TRPC4AP: variants seen among roughly 807,000 people sequenced by gnomAD.
TRPC4AP encodes the protein transient receptor potential cation channel subfamily C member 4 associated protein, also known as short transient receptor potential channel 4-associated protein.
In TRPC4AP, 45 loss-of-function variants were observed where a neutral mutation model predicts 99.0. The observed-to-expected ratio is 0.45, with a 90% CI of 0.36 to 0.58. TRPC4AP has a LOEUF of 0.58. Among genes scored for constraint, TRPC4AP ranks in the 20% least tolerant of loss-of-function variants. TRPC4AP has a pLI of 0.00. For synonymous variants in TRPC4AP, 408 were observed against 385.8 expected (o/e 1.06, Z -0.67); for missense variants, 879 against 985.3 (o/e 0.89, Z 1.44).
At chr20:35,085,908 T>C (rs975929349) in intron 1 of TRPC4AP, among the ~76,000 whole-genome samples, 1 of 152,180 alleles carries the variant, frequency 6.6e-6, no homozygotes. Flanking sequence ...CTGTGCATCT[T>C]ATTTGTTTCT....
Position 35,049,887 on chromosome 20 carries a change from T to C in TRPC4AP, c.636A>G (p.Glu212=), listed in dbSNP as rs1481374164. Residue 212 remains glutamate (E), a synonymous_variant, in exon 6 of 19, where the codon GAA becomes GAG. Transcript: ENST00000252015. ...TCACCTTTTTAACACCCAAAATATC[T>C]TCAATGAGGGTTGCTGTTTGTAAGA... The part of the protein sequence containing the change: ...KTFLQTATLI[E]DILGVKKEMI... 1 of 1,613,678 alleles carries C rather than the reference T, an allele frequency of 6.2e-7. No individual in the cohort carries two copies. The highest frequency in any genetic ancestry group is 1.3e-5 in the African/African-American group (1 of 74,914).
chr20:35,007,464 G>T (rs771548825), intron 14 of TRPC4AP, 86 bp downstream of exon 14: 64 of 1,357,478 alleles, frequency 4.7e-5, no homozygotes, highest in Non-Finnish European at 6.6e-5. Flanking sequence ...TGCTCCTGAT[G>T]AACTGTTTGG....
chr20:35,024,854 A>AAAAAAAAAAAAACAAAACAT, intron 8 of TRPC4AP, among the ~76,000 whole-genome samples: 1 of 89,480 alleles, frequency 1.1e-5, no homozygotes, highest in East Asian at 4.4e-4. Flanking sequence ...AAAAAAAAAA[A>AAAAAAAAAAAAACAAAACAT]ATTCTGTTTA....
chr20:35,076,484 T>G (rs1166686176), intron 2 of TRPC4AP, among the ~76,000 whole-genome samples: 1 of 152,228 alleles, frequency 6.6e-6, no homozygotes, highest in Non-Finnish European at 1.5e-5. Flanking sequence ...CTTCTAACAG[T>G]CAGGACCCTC....
In TRPC4AP at chr20:35,002,954, C is replaced by T. The variant is rs1041705874; in HGVS notation, c.*192G>A. 2 of 685,312 alleles carry T rather than the reference C, an allele frequency of 2.9e-6. No homozygotes were observed. Among genetic ancestry groups the T allele is most frequent in the Non-Finnish European group, 4.8e-6 (2 of 418,854 alleles). The allele number at this position is 685,312 out of a possible 1,614,324, so 42.5% of individuals were successfully genotyped here. On this transcript the variant is annotated 3_prime_UTR_variant, in exon 19 of 19. Transcript: ENST00000252015. ...CCTGTCCTCATTATGGGGACTGAGGCTCTCCATGACCTAGGGCCCTCAGAC... is the reference window on the plus strand; with the variant it reads ...CCTGTCCTCATTATGGGGACTGAGGTTCTCCATGACCTAGGGCCCTCAGAC...
chr20:35,038,767 A>AT (rs34387096), intron 7 of TRPC4AP, among the ~76,000 whole-genome samples: 60,362 of 152,058 alleles, frequency 0.4, 13,078 homozygotes, highest in East Asian at 0.59. Context: ...GGTGTGTATT[A>AT]TTTTTTCTAA....
At chr20:35,079,079 G>A (rs186791300) in intron 1 of TRPC4AP, among the ~76,000 whole-genome samples, 2 of 152,212 alleles carry the variant, frequency 1.3e-5, no homozygotes, top group Admixed American at 1.3e-4. Flanking sequence ...AAATAGAAAA[G>A]GGGATGGAGA....
chr20:35,086,461 G>GTATA (rs2084856482), intron 1 of TRPC4AP, among the ~76,000 whole-genome samples: 1 of 57,316 alleles, frequency 1.7e-5, no homozygotes. Flanking sequence ...GTGTGTGTGT[G>GTATA]TGTGTGTGTG....
At chr20:35,088,737 T>G (rs1441278676) in intron 1 of TRPC4AP, among the ~76,000 whole-genome samples, 1 of 152,208 alleles carries the variant, frequency 6.6e-6, no homozygotes, top group Non-Finnish European at 1.5e-5. Context: ...AGGTCCACCT[T>G]ACTTTAAAAT....
intron 6 of TRPC4AP, among the ~76,000 whole-genome samples, chr20:35,048,486 T>C (rs2083613392): frequency 6.6e-6 from 1 of 152,196 alleles, no homozygotes; most frequent in Admixed American, 6.5e-5. Flanking sequence ...CCCAAAGTGT[T>C]GGAATTACAG....
chr20:35,087,640 G>C (rs2084925895), intron 1 of TRPC4AP, among the ~76,000 whole-genome samples: 1 of 152,134 alleles, frequency 6.6e-6, no homozygotes, highest in Non-Finnish European at 1.5e-5. Flanking sequence ...ATCCAGAATT[G>C]ATTCTATCAA....
At chr20:35,008,602 T>C in intron 13 of TRPC4AP, 62 bp downstream of exon 13, 1 of 1,474,668 alleles carries the variant, frequency 6.8e-7, no homozygotes, top group Non-Finnish European at 9.4e-7. Context: ...ATTCCTAACC[T>C]CCTGAGAAAC....
intron 11 of TRPC4AP, among the ~76,000 whole-genome samples, chr20:35,012,401 A>T (rs2082659425): frequency 6.6e-6 from 1 of 152,192 alleles, no homozygotes; most frequent in Non-Finnish European, 1.5e-5. Flanking sequence ...AGCTGGCTGG[A>T]GCTGAGCTCA....
At chr20:35,007,284 C>T (rs2082535453) in intron 14 of TRPC4AP, among the ~76,000 whole-genome samples, 2 of 152,184 alleles carry the variant, frequency 1.3e-5, no homozygotes, top group Admixed American at 1.3e-4. Flanking sequence ...TACAAAATAT[C>T]TTCAGGGTCA....
Position 35,006,542 on chromosome 20 carries a change from T to G in TRPC4AP, c.1720A>C (p.Lys574Gln). ...ILYCIVDSEC[K>Q]SRDVLQSYFD... ...TAACTCTGGAGCACATCCCTTGACT[T>G]ACACTCGCTGTCCACAATGCAGTAA... The change falls in exon 15 of 19, where the codon AAG becomes CAG. Residue 574 changes from lysine (K) to glutamine (Q), a missense_variant. Around this residue, in one of 3 missense-constraint regions of TRPC4AP, gnomAD observed 52 missense variants for 88.7 expected, o/e 0.59. Transcript: ENST00000252015. 6.2e-7 allele frequency: 1 copy of G among 1,614,210 alleles called. No homozygotes were observed. Among genetic ancestry groups the G allele is most frequent in the Non-Finnish European group, 8.5e-7 (1 of 1,180,036 alleles).
In TRPC4AP at chr20:35,079,215, A is replaced by G. The variant is rs552533417; in HGVS notation, c.169-1041T>C. 3.0e-4 allele frequency among the ~76,000 whole-genome samples: 45 copies of G among 152,346 alleles called. 1 individual carries two copies. In the South Asian group the frequency reaches 9.3e-3, roughly 32 times the overall value. ...ATGACAAAGGGGTTAATTCTCCAAGAAGACATAACAATCCTTATCATATAT... is the reference window on the plus strand; with the variant it reads ...ATGACAAAGGGGTTAATTCTCCAAGGAGACATAACAATCCTTATCATATAT... On this transcript the variant is annotated intron_variant, in intron 1 of 18. Transcript: ENST00000252015.
chr20:35,050,162 A>C (rs2147376507), intron 5 of TRPC4AP, among the ~76,000 whole-genome samples, 168 bp from the exon 6 acceptor site: 1 of 152,322 alleles, frequency 6.6e-6, no homozygotes, highest in East Asian at 1.9e-4. Flanking sequence ...TTAACTCCCC[A>C]GCTATGGAAG....
At chr20:35,040,473 C>A (rs963883858) in intron 7 of TRPC4AP, among the ~76,000 whole-genome samples, 3 of 152,290 alleles carry the variant, frequency 2.0e-5, no homozygotes, top group Middle Eastern at 3.4e-3. Context: ...GAGACTTGCA[C>A]CAGCAGTTTC....
chr20:35,025,781 G>C (rs2083015453), intron 8 of TRPC4AP, among the ~76,000 whole-genome samples: 1 of 152,072 alleles, frequency 6.6e-6, no homozygotes, highest in Non-Finnish European at 1.5e-5. Flanking sequence ...TTTTAATTTT[G>C]ATGAAGTCCA....
Sources: gnomAD v4.1 joint callset for allele counts (sites outside exome capture counted in the v4.1 genomes callset) on GRCh38, gnomAD v4.1.1 for gene constraint, gnomAD v4.1.1 regional missense constraint, MANE v1.5 for transcripts, NCBI Gene and HGNC (gene_info 2026-07-23, HGNC 2026-07-21) for gene names.